The following NSD1 variants were observed in gnomAD, a reference collection of about 807,000 sequenced individuals.
NSD1 encodes the protein histone-lysine N-methyltransferase, H3 lysine-36 specific.
Under a neutral mutation model 242.7 loss-of-function variants are expected in NSD1, and 26 were observed. The observed-to-expected ratio is 0.11, with a 90% CI of 0.08 to 0.15. The LOEUF is 0.15. NSD1 is among the 10% of genes least tolerant of loss of function. The probability of loss-of-function intolerance (pLI) is 1.00; values close to 1 mark genes in which losing one functional copy is unlikely to be tolerated. For synonymous variants in NSD1, 1,106 were observed against 1,178.1 expected (o/e 0.94, Z 1.25); for missense variants, 2,495 against 3,272.8 (o/e 0.76, Z 5.80).
intron 11 of NSD1, among the ~76,000 whole-genome samples, chr5:177,249,408 CA>C (rs1755721605): frequency 6.6e-6 from 1 of 151,718 alleles, no homozygotes; most frequent in East Asian, 1.9e-4. Flanking sequence ...TTTAAATAAA[CA>C]AAAAACTTGA....
At chr5:177,213,499 G>A (rs1468239075) in intron 5 of NSD1, among the ~76,000 whole-genome samples, 1 of 151,658 alleles carries the variant, frequency 6.6e-6, no homozygotes, top group African/African-American at 2.4e-5. Flanking sequence ...ACGGAGTCTC[G>A]CTCTGTTACC....
chr5:177,223,356 T>A (rs1216967923), intron 5 of NSD1, among the ~76,000 whole-genome samples: 2 of 152,090 alleles, frequency 1.3e-5, no homozygotes, highest in Non-Finnish European at 2.9e-5. Flanking sequence ...GCAGATCACT[T>A]GAGGTCAGAA....
At chr5:177,270,378 C>G (rs1208984667) in intron 16 of NSD1, among the ~76,000 whole-genome samples, 2 of 152,204 alleles carry the variant, frequency 1.3e-5, no homozygotes, top group East Asian at 3.8e-4. Context: ...ACCCGGTTTT[C>G]TCTTACCATG....
chr5:177,243,196 T>C (rs1044399862), intron 8 of NSD1, among the ~76,000 whole-genome samples: 9 of 152,168 alleles, frequency 5.9e-5, no homozygotes, highest in Non-Finnish European at 1.0e-4. Flanking sequence ...CTTTCTTTCT[T>C]TCTTTTTTTG....
At chr5:177,239,978 G>T in intron 8 of NSD1, 113 bp downstream of exon 8, 1 of 680,578 alleles carries the variant, frequency 1.5e-6, no homozygotes, top group South Asian at 1.7e-5. Context: ...AGAAATTAGT[G>T]TGTGTGTCAG....
intron 2 of NSD1, among the ~76,000 whole-genome samples, chr5:177,157,354 G>A (rs921690983): frequency 2.6e-5 from 4 of 151,732 alleles, no homozygotes; most frequent in Admixed American, 6.6e-5. Context: ...CAACAAGAGC[G>A]AAACTTCGTC....
chr5:177,132,182 C>T (rs1311189175), upstream of NSD1, among the ~76,000 whole-genome samples: 1 of 152,028 alleles, frequency 6.6e-6, no homozygotes, highest in African/African-American at 2.4e-5. The surrounding 1 kb of genome is among the most constrained non-coding windows in gnomAD (Gnocchi z 7.5). Context: ...CCGGGCGGTC[C>T]CGTGTCCCGG....
chr5:177,162,024 G>A (rs1394280668), intron 2 of NSD1, among the ~76,000 whole-genome samples: 1 of 152,000 alleles, frequency 6.6e-6, no homozygotes, highest in East Asian at 1.9e-4. Flanking sequence ...GAGGCCGGGC[G>A]CTGTGGCTCA....
At chr5:177,282,362 C>CT (rs1758959247) in intron 18 of NSD1, 103 bp from the exon 19 acceptor site, 1 of 805,910 alleles carries the variant, frequency 1.2e-6, no homozygotes, top group African/African-American at 1.7e-5. Flanking sequence ...ATGTAATCTG[C>CT]TTTGTAGAAT....
intron 2 of NSD1, among the ~76,000 whole-genome samples, chr5:177,168,949 T>C (rs1433015416): frequency 6.6e-6 from 1 of 152,214 alleles, no homozygotes; most frequent in Non-Finnish European, 1.5e-5. Context: ...CTTCGTAGCC[T>C]AATTTGTTCA....
intron 2 of NSD1, among the ~76,000 whole-genome samples, chr5:177,138,090 CAAAA>C (rs139439683): frequency 0.064 from 9,275 of 144,192 alleles, 646 homozygotes; most frequent in African/African-American, 0.18. Flanking sequence ...AAAAAAACAA[CAAAA>C]AAACAAACAA....
intron 5 of NSD1, among the ~76,000 whole-genome samples, chr5:177,226,916 T>C (rs567618018): frequency 6.6e-6 from 1 of 152,342 alleles, no homozygotes; most frequent in Non-Finnish European, 1.5e-5. Flanking sequence ...TTTGGTTGTT[T>C]GGAATTTCCA....
intron 5 of NSD1, among the ~76,000 whole-genome samples, chr5:177,218,910 A>G (rs964912252): frequency 1.3e-5 from 2 of 150,228 alleles, no homozygotes; most frequent in African/African-American, 2.5e-5. Flanking sequence ...CGGGAGCCGT[A>G]TGTTTCTTTT....
At chr5:177,234,156 A>T (rs769010304) in intron 5 of NSD1, among the ~76,000 whole-genome samples, 3 of 152,226 alleles carry the variant, frequency 2.0e-5, no homozygotes, top group Non-Finnish European at 4.4e-5. Context: ...CATATGCAAA[A>T]AGTATACCTT....
chr5:177,251,916 G>C, intron 12 of NSD1, 63 bp downstream of exon 12: 1 of 1,602,330 alleles, frequency 6.2e-7, no homozygotes, highest in South Asian at 1.1e-5. Flanking sequence ...TTTCAGGAAA[G>C]ACATTTATTG....
chr5:177,158,412 C>T (rs773213683), intron 2 of NSD1, among the ~76,000 whole-genome samples: 2 of 151,066 alleles, frequency 1.3e-5, no homozygotes, highest in East Asian at 4.0e-4. Flanking sequence ...GGTCTTGGCT[C>T]ACTGCAGCCT....
In NSD1 at chr5:177,265,357, T is replaced by G. The variant is rs193171562; in HGVS notation, c.5147-2205T>G. On this transcript the variant is annotated intron_variant, in intron 14 of 22. Coordinates refer to ENST00000439151, the MANE Select transcript of NSD1 (RefSeq NM_022455.5). ...GAAGTATGTTTATAGTAAGAATTTT[T>G]TTTGTTTCCCAGCTGAAGATTTATT... is the stretch of plus-strand genomic sequence containing the variant. The G allele has an allele frequency of 2.6e-4, 155 of 598,568 alleles. No homozygotes were observed. In the African/African-American group the frequency reaches 2.7e-3, roughly 10 times the overall value. The allele number at this position is 598,568 out of a possible 1,614,324, so 37.1% of individuals were successfully genotyped here. A position where few individuals can be genotyped will look rare whatever the true frequency, so the allele number is the denominator to read the frequency against.
chr5:177,233,808 A>G (rs562743388), intron 5 of NSD1, among the ~76,000 whole-genome samples: 91 of 152,240 alleles, frequency 6.0e-4, no homozygotes, highest in African/African-American at 2.1e-3. Flanking sequence ...TGCAGCTGCA[A>G]TTTTATCAAA....
chr5:177,265,523 T>C (rs1352027943), intron 14 of NSD1: 1 of 754,688 alleles, frequency 1.3e-6, no homozygotes, highest in African/African-American at 1.7e-5. Flanking sequence ...CACAACCGTC[T>C]AGGAATGCTC....
Sources: allele counts gnomAD v4.1 joint callset (sites outside exome capture counted in the v4.1 genomes callset), GRCh38; gene constraint gnomAD v4.1.1; non-coding constraint Gnocchi (gnomAD v3.1); transcripts MANE v1.5; gene names NCBI Gene and HGNC (gene_info 2026-07-23, HGNC 2026-07-21).